Variants in TMPRSS12 observed in about 807,000 individuals in gnomAD.
TMPRSS12 encodes transmembrane protease serine 12.
Under a neutral mutation model 26.0 loss-of-function variants are expected in TMPRSS12, and 25 were observed. That is an observed-to-expected ratio of 0.96 (90% confidence interval 0.70 to 1.34). The LOEUF (loss-of-function observed/expected upper bound fraction) is 1.34, where lower values mean the gene tolerates loss of function less well. Among genes scored for constraint, TMPRSS12 ranks in the 40% most tolerant of loss-of-function variants. The pLI is 0.00. For missense variants in TMPRSS12, 441 were observed against 440.1 expected (o/e 1.00, Z -0.02); for synonymous variants, 150 against 161.7 (o/e 0.93, Z 0.55).
intron 2 of TMPRSS12, among the ~76,000 whole-genome samples, chr12:50,847,558 T>C (rs1275947198): frequency 6.6e-6 from 1 of 152,066 alleles, no homozygotes; most frequent in African/African-American, 2.4e-5. Flanking sequence ...AATGAATAAA[T>C]GAAAATACAT....
chr12:50,872,501 C>CA (rs1938054789), intron 3 of TMPRSS12, among the ~76,000 whole-genome samples: 1 of 96,872 alleles, frequency 1.0e-5, no homozygotes, highest in South Asian at 3.8e-4. Context: ...GCCTGGGCGA[C>CA]AGAGCGAGAC....
In TMPRSS12 at chr12:50,887,338, G is replaced by A; in HGVS notation, c.872G>A (p.Gly291Glu). 2 of 1,613,760 alleles carry A rather than the reference G, an allele frequency of 1.2e-6. No individual in the cohort carries two copies. The highest frequency in any genetic ancestry group is 4.5e-5 in the East Asian group (2 of 44,888). Residue 291 changes from glycine (G) to glutamate (E), a missense_variant, in exon 5 of 5, where the codon GGA (glycine) becomes GAA (glutamate). Physicochemically the swap from Gly to Glu is moderately conservative, Grantham distance 98 (BLOSUM62 -2). Transcript: ENST00000398458. The stretch of plus-strand genomic sequence containing the variant: ...TTTGTAATGGGAATTACCAGTTACG[G>A]ACATGGCTGTGGTCGAAGAGGTTTT... ...RFFVMGITSY[G>E]HGCGRRGFPG...
intron 2 of TMPRSS12, among the ~76,000 whole-genome samples, chr12:50,848,856 C>T (rs1014899519): frequency 6.6e-6 from 1 of 152,116 alleles, no homozygotes; most frequent in Non-Finnish European, 1.5e-5. Context: ...TATATAAGCA[C>T]CAATGGATAT....
chr12:50,864,586 A>G (rs902819516), intron 3 of TMPRSS12, among the ~76,000 whole-genome samples: 2 of 152,204 alleles, frequency 1.3e-5, no homozygotes, highest in Non-Finnish European at 2.9e-5. Flanking sequence ...TTTTAGGTAT[A>G]GAATAAAAAA....
intron 2 of TMPRSS12, among the ~76,000 whole-genome samples, chr12:50,844,920 C>T (rs1385504669): frequency 6.6e-6 from 1 of 152,262 alleles, no homozygotes; most frequent in Admixed American, 6.5e-5. Context: ...GGCATGTTGG[C>T]TCATATTTGT....
intron 2 of TMPRSS12, among the ~76,000 whole-genome samples, chr12:50,853,890 A>G (rs1428418762): frequency 6.6e-6 from 1 of 152,148 alleles, no homozygotes. Context: ...GTCAAATTCT[A>G]CCAGGTGTAT....
At chr12:50,868,683 C>G (rs1329436329) in intron 3 of TMPRSS12, among the ~76,000 whole-genome samples, 1 of 152,162 alleles carries the variant, frequency 6.6e-6, no homozygotes, top group Non-Finnish European at 1.5e-5. Flanking sequence ...CATCTAACAA[C>G]TGCAGAATAC....
At chr12:50,876,009 C>G (rs533696053) in intron 3 of TMPRSS12, among the ~76,000 whole-genome samples, 2 of 152,308 alleles carry the variant, frequency 1.3e-5, no homozygotes, top group East Asian at 3.9e-4. Flanking sequence ...ACATATCCTA[C>G]AAAGGTCTAC....
At chr12:50,858,761 A>G (rs755925872) in intron 2 of TMPRSS12, 24 bp from the exon 3 acceptor site, 5 of 1,467,490 alleles carry the variant, frequency 3.4e-6, no homozygotes, top group Non-Finnish European at 4.5e-6. Context: ...GATATTTATA[A>G]TAAGAATGTT....
At chr12:50,852,384 G>T (rs1441367401) in intron 2 of TMPRSS12, among the ~76,000 whole-genome samples, 1 of 152,178 alleles carries the variant, frequency 6.6e-6, no homozygotes, top group East Asian at 1.9e-4. Context: ...AAGAGCAGGG[G>T]TTGCTATTCT....
At position 50,882,286 on chromosome 12, in the gene TMPRSS12, TAAAAAAA is replaced by T. The variant is rs59323134; in HGVS notation, c.653-2939_653-2933del. Reference sequence around the variant, plus strand: ...GCAACAGAGCAAGACCCCATCTCTCTAAAAAAAAAAAAAAAAAAAAAAAAAAAGAATA... The same window carrying T: ...GCAACAGAGCAAGACCCCATCTCTCTAAAAAAAAAAAAAAAAAAAAGAATA... On this transcript the variant is annotated intron_variant, in intron 3 of 4. Transcript: ENST00000398458. Among the ~76,000 whole-genome samples, 168 of 58,524 alleles carry T rather than the reference TAAAAAAA, an allele frequency of 2.9e-3. 1 individual carries two copies. Among genetic ancestry groups the T allele is most frequent in the African/African-American group, 0.012 (164 of 13,890 alleles). 38.4% of individuals were successfully genotyped at this position (58,524 alleles called of 152,430 possible).
intron 2 of TMPRSS12, among the ~76,000 whole-genome samples, chr12:50,856,359 T>C (rs914274138): frequency 2.6e-5 from 4 of 152,212 alleles, no homozygotes; most frequent in African/African-American, 7.2e-5. Flanking sequence ...CGATGGTTCC[T>C]GTGCAGCCTG....
intron 2 of TMPRSS12, among the ~76,000 whole-genome samples, chr12:50,852,460 G>C (rs1937834818): frequency 6.6e-6 from 1 of 152,088 alleles, no homozygotes; most frequent in South Asian, 2.1e-4. Flanking sequence ...GCCCAGGCTG[G>C]AGTGCAGTGG....
At chr12:50,883,596 T>C (rs1441777339) in intron 3 of TMPRSS12, among the ~76,000 whole-genome samples, 19 of 152,056 alleles carry the variant, frequency 1.2e-4, no homozygotes, top group Admixed American at 1.2e-3. Flanking sequence ...GGAGGGAGGA[T>C]TACTTGAACC....
chr12:50,846,922 T>C lies in TMPRSS12; in HGVS notation c.383+2885T>C, dbSNP rs199892892. On this transcript the variant is annotated intron_variant, in intron 2 of 4. Transcript: ENST00000398458. ...AGGAAATGTGAGCCCTCCAACTTTGTTCTTATTTTTCAAGATTATTTTAGC... is the reference window on the plus strand; with the variant it reads ...AGGAAATGTGAGCCCTCCAACTTTGCTCTTATTTTTCAAGATTATTTTAGC... Among the ~76,000 whole-genome samples, 17 of 152,194 alleles carry C rather than the reference T, an allele frequency of 1.1e-4. No homozygotes were observed. The East Asian group carries it at 3.3e-3, about 29-fold the overall frequency.
chr12:50,850,444 G>C (rs1714612346), intron 2 of TMPRSS12, among the ~76,000 whole-genome samples: 1 of 152,142 alleles, frequency 6.6e-6, no homozygotes, highest in African/African-American at 2.4e-5. Flanking sequence ...GCCCGGTATG[G>C]TGGCTTATGC....
Position 50,885,518 on chromosome 12 carries a change from TTTA to T in TMPRSS12, c.795+131_795+133del, listed in dbSNP as rs1259508053. ...AAATAATAAATCATTTTTTCTCCTT[TTTA>T]ACTATTTCAACAATCCAAATCTTCT... On this transcript the variant is annotated intron_variant, in intron 4 of 4. Transcript: ENST00000398458. 2.5e-5 allele frequency: 29 copies of T among 1,142,936 alleles called. No homozygotes were observed. In the East Asian group the frequency reaches 6.8e-4, roughly 27 times the overall value. 70.8% of individuals were successfully genotyped at this position (1,142,936 alleles called of 1,614,324 possible).
intron 4 of TMPRSS12, chr12:50,885,689 T>C: frequency 1.7e-6 from 1 of 580,136 alleles, no homozygotes. Context: ...ATAGTCTCGC[T>C]TTGTCACCCA....
intron 2 of TMPRSS12, among the ~76,000 whole-genome samples, chr12:50,854,718 C>T (rs1565931437): frequency 6.6e-6 from 1 of 151,746 alleles, no homozygotes; most frequent in African/African-American, 2.4e-5. Flanking sequence ...TCTCAATAGC[C>T]AAAAAAAGAA....
Sources: allele counts gnomAD v4.1 joint callset (sites outside exome capture counted in the v4.1 genomes callset), GRCh38; gene constraint gnomAD v4.1.1; transcripts MANE v1.5; gene names NCBI Gene and HGNC (gene_info 2026-07-23, HGNC 2026-07-21).